ITGB3: variants seen among roughly 807,000 people sequenced by gnomAD.
ITGB3 encodes integrin subunit beta 3.
Under a neutral mutation model 85.8 loss-of-function variants are expected in ITGB3, and 48 were observed. The ratio of observed to expected loss-of-function variants is 0.56; its 90% CI spans 0.44 to 0.71. The LOEUF (loss-of-function observed/expected upper bound fraction) is 0.71, where lower values mean the gene tolerates loss of function less well. Among genes scored for constraint, ITGB3 ranks in the 30% least tolerant of loss-of-function variants. ITGB3 has a pLI of 0.00. For synonymous variants in ITGB3, 363 were observed against 395.6 expected (o/e 0.92, Z 0.98); for missense variants, 861 against 1,019.1 (o/e 0.84, Z 2.11).
At position 47,299,345 on chromosome 17, in the gene ITGB3, C is replaced by T; in HGVS notation, c.1728C>T (p.Asp576=). The change falls in exon 11 of 15, where the codon GAC becomes GAT. Residue 576 remains aspartate (D), a synonymous_variant. Transcript: ENST00000559488. The surrounding 1 kb of genome is among the most constrained non-coding windows in gnomAD (Gnocchi z 5.1). ...GCAGCTGTGGGGACTGCCTGTGTGA[C>T]TCCGACTGGACCGGCTACTACTGCA... ...GQCSCGDCLC[D]SDWTGYYCNC... is the part of the protein sequence containing the mutation. 6.2e-7 allele frequency: 1 copy of T among 1,614,206 alleles called. No homozygotes were observed. The highest frequency in any genetic ancestry group is 8.5e-7 in the Non-Finnish European group (1 of 1,180,050).
chr17:47,275,171 C>T (rs961210913), intron 2 of ITGB3, among the ~76,000 whole-genome samples: 20 of 152,106 alleles, frequency 1.3e-4, no homozygotes, highest in African/African-American at 2.4e-4. Flanking sequence ...GATTGGGCCC[C>T]GCGGCTTTAC....
chr17:47,290,054 C>T, intron 7 of ITGB3, 131 bp from the exon 8 acceptor site: 1 of 808,024 alleles, frequency 1.2e-6, no homozygotes. Context: ...ATATTCCTGG[C>T]AGTGACAATT....
At chr17:47,267,911 G>A (rs1345304575) in intron 1 of ITGB3, among the ~76,000 whole-genome samples, 1 of 152,090 alleles carries the variant, frequency 6.6e-6, no homozygotes, top group Non-Finnish European at 1.5e-5. Context: ...TCCAAGATTT[G>A]GTAGTTTATA....
chr17:47,289,009 G>A (rs2065114997), intron 6 of ITGB3, among the ~76,000 whole-genome samples: 1 of 152,124 alleles, frequency 6.6e-6, no homozygotes, highest in African/African-American at 2.4e-5. Context: ...CAACAAGAAG[G>A]CCACTCCAGG....
chr17:47,255,628 G>T (rs561867911), intron 1 of ITGB3, among the ~76,000 whole-genome samples: 1 of 151,738 alleles, frequency 6.6e-6, no homozygotes, highest in South Asian at 2.1e-4. Context: ...CCCCATGTTG[G>T]CCAGGATGAT....
At chr17:47,303,678 G>A (rs1567769810) in intron 13 of ITGB3, 1 of 152,234 alleles carries the variant, frequency 6.6e-6, no homozygotes, top group Non-Finnish European at 1.5e-5. Flanking sequence ...CCTTCTGGGA[G>A]CAGGAGGAAT....
chr17:47,286,987 A>G, intron 5 of ITGB3, 83 bp from the exon 6 acceptor site: 1 of 1,434,504 alleles, frequency 7.0e-7, no homozygotes, highest in Non-Finnish European at 9.7e-7. Flanking sequence ...GCCAGGGAGC[A>G]CCTTGGGTCT....
At chr17:47,296,242 T>C (rs1304502640) in intron 10 of ITGB3, among the ~76,000 whole-genome samples, 3 of 152,198 alleles carry the variant, frequency 2.0e-5, no homozygotes, top group African/African-American at 4.8e-5. Context: ...ATGTCCGCCA[T>C]CCTTCCTGGG....
Position 47,298,412 on chromosome 17 carries a change from G to C in ITGB3, c.1691-896G>C, listed in dbSNP as rs1176035651. 4.6e-5 allele frequency among the ~76,000 whole-genome samples: 7 copies of C among 152,062 alleles called. No homozygotes were observed. The East Asian group carries it at 1.3e-3, about 29-fold the overall frequency. On this transcript the variant is annotated intron_variant, in intron 10 of 14. Transcript: ENST00000559488. ...GGATATTTGTTCTCTCTGCTTACTT[G>C]GCTCCGTTGGCCAACTCCATGGGTT... is the stretch of plus-strand genomic sequence containing the variant.
At chr17:47,300,344 C>CGTGTGTGTGTGTGTGT in intron 11 of ITGB3, 134 bp from the exon 12 acceptor site, 1 of 689,288 alleles carries the variant, frequency 1.5e-6, no homozygotes, top group South Asian at 1.5e-5. Context: ...GGCGCGCGCG[C>CGTGTGTGTGTGTGTGT]GCGTGTGTGT....
At position 47,290,961 on chromosome 17, in the gene ITGB3, G is replaced by A. The variant is rs761786428; in HGVS notation, c.1133G>A (p.Arg378His). ...QLIVDAYGKI[R>H]SKVELEVRDL... ...GTGCCCCTTTCTGCTCAGAAAATCC[G>A]TTCTAAAGTAGAGCTGGAAGTGCGT... The change falls in exon 9 of 15, where the codon CGT (arginine) becomes CAT (histidine). Residue 378 changes from arginine to histidine, a missense_variant. Transcript: ENST00000559488. 1.8e-5 allele frequency: 29 copies of A among 1,613,932 alleles called. No homozygotes were observed. Among genetic ancestry groups the A allele is most frequent in the Admixed American group, 8.3e-5 (5 of 60,000 alleles).
At chr17:47,295,106 T>A (rs949940169) in intron 10 of ITGB3, among the ~76,000 whole-genome samples, 2 of 152,174 alleles carry the variant, frequency 1.3e-5, no homozygotes, top group Non-Finnish European at 1.5e-5. Context: ...TAGAGAGGCG[T>A]GAATAAGACA....
At chr17:47,277,822 ACT>A (rs1252665930) in intron 2 of ITGB3, among the ~76,000 whole-genome samples, 5 of 152,082 alleles carry the variant, frequency 3.3e-5, no homozygotes, top group Admixed American at 6.5e-5. Flanking sequence ...GTAGAGGAAG[ACT>A]CTAATAGGAT....
chr17:47,277,176 C>T (rs1444884973), intron 2 of ITGB3, among the ~76,000 whole-genome samples: 2 of 152,084 alleles, frequency 1.3e-5, no homozygotes, highest in Non-Finnish European at 2.9e-5. Context: ...AGCAAAGAGG[C>T]GGGCTTTATA....
intron 12 of ITGB3, among the ~76,000 whole-genome samples, chr17:47,301,834 G>A (rs1347858947): frequency 6.6e-6 from 1 of 152,034 alleles, no homozygotes. Context: ...TAAGTAACTG[G>A]CCCAAGCAAG....
At chr17:47,306,070 C>A (rs899838665) in intron 13 of ITGB3, among the ~76,000 whole-genome samples, 2 of 152,154 alleles carry the variant, frequency 1.3e-5, no homozygotes, top group Non-Finnish European at 2.9e-5. Flanking sequence ...AGTCAGGATT[C>A]AAACCCAGGG....
intron 6 of ITGB3, among the ~76,000 whole-genome samples, chr17:47,288,242 A>G (rs11651736): frequency 0.01 from 661 of 64,768 alleles, 5 homozygotes; most frequent in African/African-American, 0.026. Flanking sequence ...GAGAGAGAGA[A>G]AGAGGGGAAA....
intron 1 of ITGB3, among the ~76,000 whole-genome samples, chr17:47,254,409 A>G (rs1348470254): frequency 6.6e-6 from 1 of 152,152 alleles, no homozygotes; most frequent in African/African-American, 2.4e-5. Flanking sequence ...CGGGTTTGCC[A>G]GTTTCCCCAC....
rs2065129497 is a variant in ITGB3 at position 47,292,246 on chromosome 17, C to A, written c.1368C>A (p.Thr456=). ...GFKDSLIVQV[T]FDCDCACQAQ... The stretch of plus-strand genomic sequence containing the variant: ...AGGACAGCCTGATCGTCCAGGTCAC[C>A]TTTGATTGTGACTGTGCCTGCCAGG... Residue 456 remains threonine, a synonymous_variant, in exon 10 of 15, where the codon ACC becomes ACA. Transcript: ENST00000559488. 1 of 1,614,188 alleles carries A rather than the reference C, an allele frequency of 6.2e-7. No individual in the cohort carries two copies.
Sources: gnomAD v4.1 joint callset for allele counts (sites outside exome capture counted in the v4.1 genomes callset) on GRCh38, gnomAD v4.1.1 for gene constraint, Gnocchi (gnomAD v3.1) non-coding constraint, MANE v1.5 for transcripts, NCBI Gene and HGNC (gene_info 2026-07-23, HGNC 2026-07-21) for gene names.